Variants in DLG2 observed in about 807,000 individuals in gnomAD.
DLG2 encodes disks large homolog 2.
Under a neutral mutation model 132.5 loss-of-function variants are expected in DLG2, and 45 were observed. That is an observed-to-expected ratio of 0.34 (90% CI 0.27 to 0.44). The LOEUF (loss-of-function observed/expected upper bound fraction) is 0.44, where lower values mean the gene tolerates loss of function less well. Ranked by LOEUF, DLG2 falls within the 20% of genes least tolerant of loss-of-function variation. The probability of loss-of-function intolerance (pLI) is 1.00; values close to 1 mark genes in which losing one functional copy is unlikely to be tolerated. For synonymous variants in DLG2, 424 were observed against 419.6 expected (o/e 1.01, Z -0.13); for missense variants, 1,045 against 1,196.9 (o/e 0.87, Z 1.87).
chr11:84,042,749 T>G (rs1269361711), intron 11 of DLG2, among the ~76,000 whole-genome samples: 1 of 151,776 alleles, frequency 6.6e-6, no homozygotes, highest in East Asian at 1.9e-4. Context: ...TGGATGGAAT[T>G]GGAGCCATTA....
chr11:83,530,749 T>C (rs532410978), intron 21 of DLG2, among the ~76,000 whole-genome samples: 12 of 151,968 alleles, frequency 7.9e-5, no homozygotes, highest in Non-Finnish European at 1.6e-4. Context: ...CTGGTGCAAT[T>C]AAGCAAGGAA....
At chr11:83,528,561 T>G (rs2095662865) in intron 21 of DLG2, among the ~76,000 whole-genome samples, 1 of 152,164 alleles carries the variant, frequency 6.6e-6, no homozygotes, top group African/African-American at 2.4e-5. Context: ...TTTGAAGCCT[T>G]CTCTTTTACC....
intron 6 of DLG2, among the ~76,000 whole-genome samples, chr11:84,600,196 G>GAAAGAAAGAA (rs1565419663): frequency 3.7e-5 from 5 of 136,028 alleles, no homozygotes; most frequent in African/African-American, 1.3e-4. Flanking sequence ...AAGAAAGAAA[G>GAAAGAAAGAA]AAAGAAAGAA....
intron 3 of DLG2, among the ~76,000 whole-genome samples, chr11:85,435,123 C>T (rs982973674): frequency 6.6e-6 from 1 of 152,162 alleles, no homozygotes; most frequent in African/African-American, 2.4e-5. Context: ...CATCCCTTCA[C>T]ATTAAAAACT....
chr11:83,566,712 GGTGTGTGTGT>G (rs59829516), intron 19 of DLG2, among the ~76,000 whole-genome samples: 46 of 144,044 alleles, frequency 3.2e-4, no homozygotes, highest in East Asian at 1.0e-3. Context: ...CAGAGGGCAT[GGTGTGTGTGT>G]GTGTGTGTGT....
At chr11:84,183,536 A>C (rs1342542531) in intron 8 of DLG2, among the ~76,000 whole-genome samples, 1 of 152,216 alleles carries the variant, frequency 6.6e-6, no homozygotes. Context: ...GTTGACAAGA[A>C]AAAACATAAG....
chr11:85,384,079 A>G (rs1204052268), intron 3 of DLG2, among the ~76,000 whole-genome samples: 2 of 152,086 alleles, frequency 1.3e-5, no homozygotes, highest in Non-Finnish European at 2.9e-5. Flanking sequence ...TTTTTATTGA[A>G]TTTTATGTGC....
intron 19 of DLG2, among the ~76,000 whole-genome samples, chr11:83,624,935 A>T (rs1303133253): frequency 6.6e-6 from 1 of 152,168 alleles, no homozygotes; most frequent in Non-Finnish European, 1.5e-5. Context: ...GTACCTGATC[A>T]TGTTCCCCTC....
chr11:85,480,452 T>A (rs2093260682), intron 3 of DLG2, among the ~76,000 whole-genome samples: 1 of 152,110 alleles, frequency 6.6e-6, no homozygotes, highest in Non-Finnish European at 1.5e-5. Flanking sequence ...TCCATAAGGA[T>A]GAATCTCATA....
At chr11:83,868,511 T>C (rs1249990787) in intron 16 of DLG2, among the ~76,000 whole-genome samples, 1 of 152,178 alleles carries the variant, frequency 6.6e-6, no homozygotes, top group South Asian at 2.1e-4. Flanking sequence ...TAAATACATA[T>C]ATACATATGT....
chr11:85,148,468 C>A (rs189485577), intron 5 of DLG2, among the ~76,000 whole-genome samples: 1 of 152,250 alleles, frequency 6.6e-6, no homozygotes, highest in Admixed American at 6.5e-5. Context: ...GATGGTACCT[C>A]ATTGTGGTTT....
chr11:85,095,567 CT>C (rs2069595655), intron 6 of DLG2, among the ~76,000 whole-genome samples: 1 of 152,126 alleles, frequency 6.6e-6, no homozygotes, highest in South Asian at 2.1e-4. Flanking sequence ...AAATACTTTC[CT>C]TGACCTAGCA....
Position 83,752,784 on chromosome 11 carries a change from T to C in DLG2, c.1825+33906A>G, listed in dbSNP as rs2093387282. On this transcript the variant is annotated intron_variant, in intron 18 of 27. Coordinates refer to ENST00000376104, the MANE Select transcript of DLG2 (RefSeq NM_001142699.3). Reference sequence around the variant, plus strand: ...ACAAAGAGGAATTGCTGAATTAATGTCACCTGGAATATGAGAACGAAGAAG... The same window carrying C: ...ACAAAGAGGAATTGCTGAATTAATGCCACCTGGAATATGAGAACGAAGAAG... Among the ~76,000 whole-genome samples, 6 of 152,320 alleles carry C rather than the reference T, an allele frequency of 3.9e-5. No individual in the cohort carries two copies. The South Asian group carries it at 1.2e-3, about 32-fold the overall frequency.
In DLG2 at chr11:83,532,816, G is replaced by T. The variant is rs778995371; in HGVS notation, c.2118-33C>A. 1.9e-6 allele frequency: 3 copies of T among 1,580,954 alleles called. No individual in the cohort carries two copies. The East Asian group carries it at 6.8e-5, about 36-fold the overall frequency. Reference sequence around the variant, plus strand: ...AAATTGAGAATAAAGAGTCTCTCACGTGACAAGGCATTTATGACTAAGTTC... The same window carrying T: ...AAATTGAGAATAAAGAGTCTCTCACTTGACAAGGCATTTATGACTAAGTTC... On this transcript the variant is annotated intron_variant, in intron 20 of 27. Transcript: ENST00000376104.
intron 3 of DLG2, among the ~76,000 whole-genome samples, chr11:85,504,880 T>C (rs1238459849): frequency 7.2e-5 from 11 of 152,214 alleles, no homozygotes; most frequent in Non-Finnish European, 1.6e-4. Context: ...CATCCTCTTT[T>C]ATTTCATTGA....
intron 7 of DLG2, chr11:84,272,142 C>A: frequency 4.6e-6 from 1 of 217,488 alleles, no homozygotes; most frequent in Non-Finnish European, 9.7e-6. Context: ...ATCAACTTAC[C>A]GTGATCCAAC....
intron 19 of DLG2, among the ~76,000 whole-genome samples, chr11:83,623,423 T>C (rs1591151031): frequency 6.6e-6 from 1 of 152,232 alleles, no homozygotes; most frequent in South Asian, 2.1e-4. Flanking sequence ...TTCATTTTAA[T>C]TGATTCAGCA....
At chr11:84,828,092 T>C (rs2078568750) in intron 6 of DLG2, among the ~76,000 whole-genome samples, 1 of 151,248 alleles carries the variant, frequency 6.6e-6, no homozygotes, top group Non-Finnish European at 1.5e-5. Flanking sequence ...TTTGTAAAAT[T>C]GAATGTCCAA....
intron 3 of DLG2, among the ~76,000 whole-genome samples, chr11:85,362,493 C>G (rs1006858834): frequency 6.6e-6 from 1 of 151,888 alleles, no homozygotes; most frequent in Admixed American, 6.6e-5. Flanking sequence ...ATTCATTTAT[C>G]GAATCTCAGA....
Sources: allele counts gnomAD v4.1 joint callset (sites outside exome capture counted in the v4.1 genomes callset), GRCh38; gene constraint gnomAD v4.1.1; transcripts MANE v1.5; gene names NCBI Gene and HGNC (gene_info 2026-07-23, HGNC 2026-07-21).